Variants in ATP13A2 observed in about 807,000 individuals in gnomAD.
The protein encoded by ATP13A2 is polyamine-transporting ATPase 13A2.
Under a neutral mutation model 138.3 loss-of-function variants are expected in ATP13A2, and 83 were observed. The ratio of observed to expected loss-of-function variants is 0.60; its 90% CI spans 0.50 to 0.72. The LOEUF is 0.72. Among genes scored for constraint, ATP13A2 ranks in the 30% least tolerant of loss-of-function variants. ATP13A2 has a pLI of 0.00. For missense variants in ATP13A2, 1,402 were observed against 1,606.4 expected, an observed-to-expected ratio of 0.87 and a Z score of 2.17; for synonymous variants, 663 against 699.0, an observed-to-expected ratio of 0.95 and a Z score of 0.81.
In ATP13A2 at chr1:16,986,492, G is replaced by C. The variant is rs1374005139; in HGVS notation, c.3376C>G (p.Leu1126Val). ...AGCATGAAGGCCCCCACGAAGTTGAGGGTGACCAGACCCAGCAGCAGCAGC... is the reference window on the plus strand; with the variant it reads ...AGCATGAAGGCCCCCACGAAGTTGACGGTGACCAGACCCAGCAGCAGCAGC... ...FKLLLLGLVT[L>V]NFVGAFMLES... Residue 1126 changes from leucine (L) to valine (V), a missense_variant, in exon 28 of 29, where the codon CTC becomes GTC. Leu to Val is a conservative substitution (Grantham distance 32, BLOSUM62 1). Coordinates refer to ENST00000326735, the MANE Select transcript of ATP13A2 (RefSeq NM_022089.4). This position sits in a 1 kb window ranked among gnomAD's most constrained non-coding sequence, Gnocchi z 6.9. 1.2e-6 allele frequency: 2 copies of C among 1,612,438 alleles called. No individual in the cohort carries two copies. Among genetic ancestry groups the C allele is most frequent in the Non-Finnish European group, 1.7e-6 (2 of 1,179,912 alleles).
chr1:16,986,414 AC>A lies in ATP13A2; in HGVS notation c.3405+48del. ...GCCGGGGCTGAGCTGGGGTCAATGC[AC>A]CCCCACCTCCCTTCTCTCCCGCTGC... is the stretch of plus-strand genomic sequence containing the variant. On this transcript the variant is annotated intron_variant, in intron 28 of 28. Transcript: ENST00000326735. This position sits in a 1 kb window ranked among gnomAD's most constrained non-coding sequence, Gnocchi z 6.9. 1.2e-6 allele frequency: 2 copies of A among 1,603,302 alleles called. No homozygotes were observed. The highest frequency in any genetic ancestry group is 1.7e-6 in the Non-Finnish European group (2 of 1,177,384).
At chr1:17,002,168 A>G in intron 7 of ATP13A2, 65 bp from the exon 8 acceptor site, 1 of 1,586,122 alleles carries the variant, frequency 6.3e-7, no homozygotes, top group Non-Finnish European at 8.6e-7. Context: ...CCCGGGGTGA[A>G]GGAGCTCCCC....
In ATP13A2 at chr1:16,992,092, T is replaced by C. The variant is rs143828547; in HGVS notation, c.2043A>G (p.Thr681=). ...GGGCCACGACACGGTAGCCAGCAGC[T>C]GTATAGCTCTGCAGCATCTGGGCGA... The part of the protein sequence containing the change: ...TDFAQMLQSY[T]AAGYRVVALA... Residue 681 remains threonine, a synonymous_variant, in exon 19 of 29, where the codon ACA becomes ACG. Transcript: ENST00000326735. The C allele has an allele frequency of 3.3e-5, 54 of 1,613,358 alleles. No individual in the cohort carries two copies. In the African/African-American group the frequency reaches 6.5e-4, roughly 20 times the overall value.
rs540214520 is a variant in ATP13A2 at position 17,002,160 on chromosome 1, C to T, written c.636-57G>A. 1.3e-3 allele frequency: 2,066 copies of T among 1,591,230 alleles called. 4 individuals carry two copies. Among genetic ancestry groups the T allele is most frequent in the Non-Finnish European group, 1.6e-3 (1,851 of 1,167,470 alleles). On this transcript the variant is annotated intron_variant, in intron 7 of 28. Coordinates refer to ENST00000326735, the MANE Select transcript of ATP13A2 (RefSeq NM_022089.4). ...AGGAGGAGCTGTGGCTGGACCCTCC[C>T]GGGGTGAAGGAGCTCCCCACTTTCA...
At chr1:17,006,868 A>G (rs2077579563) in intron 1 of ATP13A2, among the ~76,000 whole-genome samples, 1 of 152,074 alleles carries the variant, frequency 6.6e-6, no homozygotes, top group African/African-American at 2.4e-5. Context: ...GACTTGGGGA[A>G]TGGTATCAGG....
Position 16,992,229 on chromosome 1 carries a change from G to GCTTC in ATP13A2, c.2005+10_2005+13dup, listed in dbSNP as rs775948643. 2 of 1,612,152 alleles carry GCTTC rather than the reference G, an allele frequency of 1.2e-6. No homozygotes were observed. Among genetic ancestry groups the GCTTC allele is most frequent in the African/African-American group, 2.7e-5 (2 of 74,936 alleles). On this transcript the variant is annotated intron_variant, in intron 18 of 28. Coordinates refer to ENST00000326735, the MANE Select transcript of ATP13A2 (RefSeq NM_022089.4). The stretch of plus-strand genomic sequence containing the variant: ...AATGCCCAACCAGGGGGACTCAGGG[G>GCTTC]CTTCCCCCTGCACCTGTCTCGGGGT...
At chr1:17,002,422 T>G (rs763463210) in intron 6 of ATP13A2, 49 bp from the exon 7 acceptor site, 2 of 1,586,284 alleles carry the variant, frequency 1.3e-6, no homozygotes, top group Non-Finnish European at 1.7e-6. Flanking sequence ...GCCTGAGGTC[T>G]GCATCCCCCA....
intron 11 of ATP13A2, among the ~76,000 whole-genome samples, chr1:16,998,919 C>T (rs1161082560): frequency 6.6e-6 from 1 of 152,028 alleles, no homozygotes; most frequent in African/African-American, 2.4e-5. Flanking sequence ...CAGAAAAAGG[C>T]GTGGAAGACA....
At chr1:17,000,883 A>G in intron 8 of ATP13A2, 2 of 283,496 alleles carry the variant, frequency 7.1e-6, no homozygotes, top group Non-Finnish European at 1.4e-5. Context: ...TGGAGGGTGC[A>G]GTGAGCTGAG....
chr1:16,992,213 C>T, intron 18 of ATP13A2, 30 bp downstream of exon 18: 1 of 1,611,746 alleles, frequency 6.2e-7, no homozygotes, highest in Non-Finnish European at 8.5e-7. Context: ...CAATGCCCAA[C>T]CAGGGGGACT....
At position 16,986,273 on chromosome 1, in the gene ATP13A2, C is replaced by T. The variant is rs777771033; in HGVS notation, c.3491G>A (p.Arg1164Gln). Reference protein sequence around the residue: ...ASKKRFKQLERELAEQPWPPL... With the variant: ...ASKKRFKQLEQELAEQPWPPL... ...CGGCCAGGGCTGCTCGGCCAGCTCT[C>T]GTTCCAGCTGCTTGAAGCGCTTCTT... Residue 1164 changes from arginine (R) to glutamine (Q), a missense_variant, in exon 29 of 29, where the codon CGA (arginine) becomes CAA (glutamine). By Grantham distance (43) the Arg-to-Gln change is conservative. Transcript: ENST00000326735. The surrounding 1 kb of genome is among the most constrained non-coding windows in gnomAD (Gnocchi z 6.9). 5.0e-6 allele frequency: 8 copies of T among 1,606,100 alleles called. No homozygotes were observed. In the African/African-American group the frequency reaches 5.4e-5, roughly 11 times the overall value.
rs897977142 is a variant in ATP13A2, at chr1:16,995,819, C to T, written c.1542+157G>A. On this transcript the variant is annotated intron_variant, in intron 15 of 28. Coordinates refer to ENST00000326735, the MANE Select transcript of ATP13A2 (RefSeq NM_022089.4). This position sits in a 1 kb window ranked among gnomAD's most constrained non-coding sequence, Gnocchi z 4.1. ...TGCCAGACCGTGAGCCCAGTGAGGG[C>T]AGGAGTGGGATGGGGTGGATCCTCT... is the stretch of plus-strand genomic sequence containing the variant. 4 of 876,902 alleles carry T rather than the reference C, an allele frequency of 4.6e-6. No individual in the cohort carries two copies. In the Admixed American group the frequency reaches 6.0e-5, roughly 13 times the overall value. The allele number at this position is 876,902 out of a possible 1,614,324, so 54.3% of individuals were successfully genotyped here. A position where few individuals can be genotyped will look rare whatever the true frequency, so the allele number is the denominator to read the frequency against.
chr1:17,005,349 G>T, intron 3 of ATP13A2, 25 bp downstream of exon 3: 1 of 1,574,942 alleles, frequency 6.3e-7, no homozygotes, highest in Admixed American at 1.9e-5. Flanking sequence ...CGCTTCTCTA[G>T]CCCCAGGCTC....
chr1:16,995,973 C>T lies in ATP13A2; in HGVS notation c.1542+3G>A, dbSNP rs747456787. Reference sequence around the variant, plus strand: ...CCTGCACCAACCCCACCTGCGGCCCCACCTTGTCGAAACACACCAGCTGCA... The same window carrying T: ...CCTGCACCAACCCCACCTGCGGCCCTACCTTGTCGAAACACACCAGCTGCA... On this transcript the variant is annotated splice_donor_region_variant and intron_variant, in intron 15 of 28. Transcript: ENST00000326735. The surrounding 1 kb of genome is among the most constrained non-coding windows in gnomAD (Gnocchi z 4.1). 9 of 1,613,948 alleles carry T rather than the reference C, an allele frequency of 5.6e-6. No individual in the cohort carries two copies. The Admixed American group carries it at 1.2e-4, about 21-fold the overall frequency.
intron 16 of ATP13A2, among the ~76,000 whole-genome samples, chr1:16,993,211 C>G (rs2076996991): frequency 6.6e-6 from 1 of 151,990 alleles, no homozygotes; most frequent in Non-Finnish European, 1.5e-5. Context: ...GTCACTGCAC[C>G]TGGCCTATCA....
At chr1:17,010,609 A>ATTCT (rs1479235035) in intron 1 of ATP13A2, among the ~76,000 whole-genome samples, 1 of 152,216 alleles carries the variant, frequency 6.6e-6, no homozygotes, top group Non-Finnish European at 1.5e-5. Flanking sequence ...GAATGGGCAC[A>ATTCT]TTCTTTCCCA....
chr1:17,009,765 C>T (rs2077711342), intron 1 of ATP13A2, among the ~76,000 whole-genome samples: 1 of 152,108 alleles, frequency 6.6e-6, no homozygotes, highest in Non-Finnish European at 1.5e-5. Flanking sequence ...CAGCGGTCCC[C>T]CTGGGAAGTT....
Position 16,995,716 on chromosome 1 carries a change from G to T in ATP13A2, c.1542+260C>A. On this transcript the variant is annotated intron_variant, in intron 15 of 28. Transcript: ENST00000326735. This position sits in a 1 kb window ranked among gnomAD's most constrained non-coding sequence, Gnocchi z 4.1. ...CTGCCTCAGCCTCCCAAAGTGCTGG[G>T]ATTACAGACGTGAGCCACCGCGCCC... is the stretch of plus-strand genomic sequence containing the variant. The T allele has an allele frequency of 1.8e-6, 1 of 557,422 alleles. No homozygotes were observed. The allele number at this position is 557,422 out of a possible 1,614,324, so 34.5% of individuals were successfully genotyped here.
In ATP13A2 at chr1:16,986,166, A is replaced by G. The variant is rs763693393; in HGVS notation, c.*55T>C. 7 of 1,610,868 alleles carry G rather than the reference A, an allele frequency of 4.3e-6. No homozygotes were observed. The Admixed American group carries it at 1.0e-4, about 23-fold the overall frequency. ...CGGTGGTGTTGCTGGAGAGGGGTCC[A>G]GTTGGTGGCTCAGAGGCAGGGAGTT... On this transcript the variant is annotated 3_prime_UTR_variant, in exon 29 of 29. Coordinates refer to ENST00000326735, the MANE Select transcript of ATP13A2 (RefSeq NM_022089.4). The surrounding 1 kb of genome is among the most constrained non-coding windows in gnomAD (Gnocchi z 6.9).
Sources: gnomAD v4.1 joint callset for allele counts (sites outside exome capture counted in the v4.1 genomes callset) on GRCh38, gnomAD v4.1.1 for gene constraint, Gnocchi (gnomAD v3.1) non-coding constraint, MANE v1.5 for transcripts, NCBI Gene and HGNC (gene_info 2026-07-23, HGNC 2026-07-21) for gene names.